Variants in TMEM132D observed in about 807,000 individuals in gnomAD.
TMEM132D encodes the protein mature OL transmembrane protein.
TMEM132D carries 21 observed loss-of-function variants against 62.3 expected under a neutral mutation model. That is an observed-to-expected ratio of 0.34 (90% CI 0.24 to 0.49). TMEM132D has a LOEUF of 0.49. Ranked by LOEUF, TMEM132D falls within the 20% of genes least tolerant of loss-of-function variation. TMEM132D has a pLI of 0.99. For synonymous variants in TMEM132D, 621 were observed against 575.6 expected (o/e 1.08, Z -1.13); for missense variants, 1,346 against 1,402.8 (o/e 0.96, Z 0.65).
At position 129,248,202 on chromosome 12, in the gene TMEM132D, C is replaced by T. The variant is rs150624935; in HGVS notation, c.1300-38539G>A. On this transcript the variant is annotated intron_variant, in intron 4 of 8. Coordinates refer to ENST00000422113, the MANE Select transcript of TMEM132D (RefSeq NM_133448.3). Reference sequence around the variant, plus strand: ...CTGAAACGTTTGCTGAAGAAAATAGCGTTTGTTCACTTAATGCTGAAACCG... The same window carrying T: ...CTGAAACGTTTGCTGAAGAAAATAGTGTTTGTTCACTTAATGCTGAAACCG... 5.8e-3 allele frequency among the ~76,000 whole-genome samples: 889 copies of T among 152,216 alleles called. 6 individuals are homozygous for T. The highest frequency in any genetic ancestry group is 8.7e-3 in the Non-Finnish European group (591 of 68,008).
intron 4 of TMEM132D, among the ~76,000 whole-genome samples, chr12:129,288,775 C>T (rs889770171): frequency 3.3e-5 from 5 of 152,314 alleles, no homozygotes; most frequent in African/African-American, 1.2e-4. Flanking sequence ...GAGATACTAG[C>T]ACTCCCCTGT....
At chr12:129,333,753 T>A (rs1260834871) in intron 4 of TMEM132D, among the ~76,000 whole-genome samples, 1 of 152,174 alleles carries the variant, frequency 6.6e-6, no homozygotes, top group Non-Finnish European at 1.5e-5. Flanking sequence ...GCTCCTAGAC[T>A]GATGGGGTGG....
At chr12:129,832,850 C>G (rs1872886304) in intron 1 of TMEM132D, among the ~76,000 whole-genome samples, 1 of 152,200 alleles carries the variant, frequency 6.6e-6, no homozygotes, top group South Asian at 2.1e-4. Flanking sequence ...CCCACTTTCA[C>G]CTGTCAGAGA....
intron 1 of TMEM132D, among the ~76,000 whole-genome samples, chr12:129,758,338 G>A (rs917641520): frequency 2.0e-5 from 3 of 152,074 alleles, no homozygotes; most frequent in Non-Finnish European, 4.4e-5. Flanking sequence ...TATTCTTTAT[G>A]ATTCCACTTA....
At chr12:129,484,257 C>T (rs1236693842) in intron 3 of TMEM132D, among the ~76,000 whole-genome samples, 1 of 152,070 alleles carries the variant, frequency 6.6e-6, no homozygotes. Context: ...CGTGAGTCAC[C>T]GCAAGTCACC....
chr12:129,249,488 A>G (rs1223761961), intron 4 of TMEM132D, among the ~76,000 whole-genome samples: 1 of 152,174 alleles, frequency 6.6e-6, no homozygotes, highest in Non-Finnish European at 1.5e-5. Flanking sequence ...GCAGTGAGGG[A>G]ATGAGGTGGC....
At chr12:129,270,402 T>C (rs1194978097) in intron 4 of TMEM132D, among the ~76,000 whole-genome samples, 1 of 152,178 alleles carries the variant, frequency 6.6e-6, no homozygotes, top group African/African-American at 2.4e-5. Flanking sequence ...ATTAAAGTAT[T>C]TAGACAATTT....
intron 1 of TMEM132D, among the ~76,000 whole-genome samples, chr12:129,717,845 T>C (rs913563960): frequency 2.6e-5 from 4 of 152,170 alleles, no homozygotes; most frequent in Non-Finnish European, 4.4e-5. Flanking sequence ...AGGGCTGTCA[T>C]GTACGGTTGT....
chr12:129,735,385 C>T (rs75259841), intron 1 of TMEM132D, among the ~76,000 whole-genome samples: 4,462 of 152,202 alleles, frequency 0.029, 211 homozygotes, highest in African/African-American at 0.1. Context: ...GAATAAAGTA[C>T]AGTACTTATG....
At chr12:129,636,055 G>T (rs1474043974) in intron 2 of TMEM132D, among the ~76,000 whole-genome samples, 2 of 152,224 alleles carry the variant, frequency 1.3e-5, no homozygotes, top group Admixed American at 6.5e-5. Flanking sequence ...TAGTGTCTGG[G>T]TTAAAATAAG....
chr12:129,671,225 A>G (rs1880492367), intron 2 of TMEM132D, among the ~76,000 whole-genome samples: 2 of 152,244 alleles, frequency 1.3e-5, no homozygotes, highest in Admixed American at 1.3e-4. Context: ...TTTCACCTTC[A>G]GGAACTTGTA....
At chr12:129,368,584 T>A (rs1050254984) in intron 3 of TMEM132D, among the ~76,000 whole-genome samples, 1 of 152,164 alleles carries the variant, frequency 6.6e-6, no homozygotes, top group African/African-American at 2.4e-5. Flanking sequence ...TTACTTATTA[T>A]TATTATTTTT....
intron 4 of TMEM132D, among the ~76,000 whole-genome samples, chr12:129,306,478 A>T (rs1461138959): frequency 2.0e-5 from 3 of 152,218 alleles, no homozygotes; most frequent in African/African-American, 7.2e-5. Flanking sequence ...TGGTATTATT[A>T]TCCATAGTTC....
chr12:129,426,708 A>T (rs1872512134), intron 3 of TMEM132D, among the ~76,000 whole-genome samples: 3 of 152,200 alleles, frequency 2.0e-5, no homozygotes, highest in African/African-American at 7.2e-5. Flanking sequence ...CAAACTCTTT[A>T]TATATATTAA....
intron 1 of TMEM132D, among the ~76,000 whole-genome samples, chr12:129,799,773 G>T (rs1185020541): frequency 1.3e-5 from 2 of 152,196 alleles, no homozygotes; most frequent in Non-Finnish European, 2.9e-5. Context: ...CCCCATGGAA[G>T]GGCGGAGGGA....
At chr12:129,788,437 C>CAT (rs1871302294) in intron 1 of TMEM132D, among the ~76,000 whole-genome samples, 1 of 152,128 alleles carries the variant, frequency 6.6e-6, no homozygotes, top group Non-Finnish European at 1.5e-5. Flanking sequence ...AACCCATGAC[C>CAT]CTCTGATCTC....
At chr12:129,151,340 C>A (rs1009533556) in intron 5 of TMEM132D, among the ~76,000 whole-genome samples, 5 of 152,210 alleles carry the variant, frequency 3.3e-5, no homozygotes, top group Admixed American at 1.3e-4. Flanking sequence ...CCTTCAACTG[C>A]TGGTGATATT....
At chr12:129,264,513 T>G (rs577707454) in intron 4 of TMEM132D, among the ~76,000 whole-genome samples, 2 of 152,186 alleles carry the variant, frequency 1.3e-5, no homozygotes, top group Non-Finnish European at 2.9e-5. Context: ...GTGTGGAGAT[T>G]CCTTAAAGAA....
chr12:129,903,455 G>A lies in TMEM132D; in HGVS notation c.-116C>T. Reference sequence around the variant, plus strand: ...CCGGTGGCGAGGGAGCGCCCGGCTAGGGGCCCGAGCAGCCCGGGCGCCCTG... The same window carrying A: ...CCGGTGGCGAGGGAGCGCCCGGCTAAGGGCCCGAGCAGCCCGGGCGCCCTG... On this transcript the variant is annotated 5_prime_UTR_variant, in exon 1 of 9. Transcript: ENST00000422113. This position sits in a 1 kb window ranked among gnomAD's most constrained non-coding sequence, Gnocchi z 6.2. 2.6e-6 allele frequency: 3 copies of A among 1,157,080 alleles called. No individual in the cohort carries two copies. The highest frequency in any genetic ancestry group is 4.4e-5 in the Admixed American group (2 of 45,510). 71.7% of individuals were successfully genotyped at this position (1,157,080 alleles called of 1,614,324 possible).
Sources: gnomAD v4.1 joint callset for allele counts (sites outside exome capture counted in the v4.1 genomes callset) on GRCh38, gnomAD v4.1.1 for gene constraint, Gnocchi (gnomAD v3.1) non-coding constraint, MANE v1.5 for transcripts, NCBI Gene and HGNC (gene_info 2026-07-23, HGNC 2026-07-21) for gene names.